Variants in SRD5A3 observed in about 807,000 individuals in gnomAD.
SRD5A3 encodes steroid 5 alpha-reductase 3.
In SRD5A3, 24 loss-of-function variants were observed where a neutral mutation model predicts 34.3. The observed-to-expected ratio is 0.70, with a 90% CI of 0.51 to 0.99. SRD5A3 has a LOEUF of 0.99. Ranked by LOEUF, SRD5A3 falls within the 50% of genes least tolerant of loss-of-function variation. The probability of loss-of-function intolerance (pLI) is 0.00; values close to 1 mark genes in which losing one functional copy is unlikely to be tolerated. For synonymous variants in SRD5A3, 161 were observed against 167.3 expected (o/e 0.96, Z 0.29); for missense variants, 350 against 388.2 (o/e 0.90, Z 0.83).
At chr4:55,354,550 T>A (rs1719357029) in intron 1 of SRD5A3, among the ~76,000 whole-genome samples, 1 of 152,186 alleles carries the variant, frequency 6.6e-6, no homozygotes, top group Non-Finnish European at 1.5e-5. Context: ...CTATTCCAGG[T>A]TTGAGGGCCT....
chr4:55,360,056 CA>C (rs1196217500), intron 2 of SRD5A3, among the ~76,000 whole-genome samples: 1 of 151,092 alleles, frequency 6.6e-6, no homozygotes, highest in Non-Finnish European at 1.5e-5. Flanking sequence ...ACTAAAAATA[CA>C]AAAAAAAGTT....
chr4:55,354,995 T>C (rs999115504), intron 1 of SRD5A3, among the ~76,000 whole-genome samples: 1 of 152,176 alleles, frequency 6.6e-6, no homozygotes, highest in Admixed American at 6.5e-5. Context: ...AGGATCACCT[T>C]ACCCCTGCTT....
chr4:55,358,509 C>T (rs1038772563), intron 1 of SRD5A3, among the ~76,000 whole-genome samples: 41 of 131,964 alleles, frequency 3.1e-4, no homozygotes, highest in African/African-American at 1.1e-3. Context: ...GCACTCCAGC[C>T]TGGACAACAC....
chr4:55,368,701 C>G (rs145191911), intron 4 of SRD5A3, among the ~76,000 whole-genome samples: 7 of 151,668 alleles, frequency 4.6e-5, no homozygotes, highest in Admixed American at 2.0e-4. Context: ...GCTGGGATTA[C>G]AGGCGTGCAC....
At position 55,346,287 on chromosome 4, in the gene SRD5A3, G is replaced by C; in HGVS notation, c.-50G>C. The C allele has an allele frequency of 1.5e-6, 2 of 1,354,722 alleles. No individual in the cohort carries two copies. Among genetic ancestry groups the C allele is most frequent in the Non-Finnish European group, 1.9e-6 (2 of 1,057,008 alleles). 83.9% of individuals were successfully genotyped at this position (1,354,722 alleles called of 1,614,324 possible). A position where few individuals can be genotyped will look rare whatever the true frequency, so the allele number is the denominator to read the frequency against. On this transcript the variant is annotated 5_prime_UTR_variant, in exon 1 of 5. Transcript: ENST00000264228. ...CGCGCTAGTGGCCGCTCTTCCGCGGGCTAGCGGGCGGTGGGGGCGCCAGCA... is the reference window on the plus strand; with the variant it reads ...CGCGCTAGTGGCCGCTCTTCCGCGGCCTAGCGGGCGGTGGGGGCGCCAGCA...
At chr4:55,361,356 C>G (rs1205956543) in intron 2 of SRD5A3, among the ~76,000 whole-genome samples, 1 of 151,628 alleles carries the variant, frequency 6.6e-6, no homozygotes, top group Non-Finnish European at 1.5e-5. Context: ...CTGGCACATG[C>G]CTGTAACCCC....
chr4:55,372,181 G>A lies in SRD5A3; in HGVS notation c.*2090G>A, dbSNP rs547199503. 3.3e-5 allele frequency: 5 copies of A among 152,302 alleles called. No homozygotes were observed. The highest frequency in any genetic ancestry group is 3.4e-3 in the Middle Eastern group (1 of 294). 9.4% of individuals were successfully genotyped at this position (152,302 alleles called of 1,614,324 possible). On this transcript the variant is annotated 3_prime_UTR_variant, in exon 5 of 5. Coordinates refer to ENST00000264228, the MANE Select transcript of SRD5A3 (RefSeq NM_024592.5). ...CTTAATTTCCACATGAATATCAAGTGTAATTTTTAATAAATTATTTGGAGA... is the reference window on the plus strand; with the variant it reads ...CTTAATTTCCACATGAATATCAAGTATAATTTTTAATAAATTATTTGGAGA...
intron 1 of SRD5A3, among the ~76,000 whole-genome samples, chr4:55,354,383 C>G (rs1304971344): frequency 1.3e-5 from 2 of 152,158 alleles, no homozygotes; most frequent in Admixed American, 6.5e-5. Flanking sequence ...GCCTGACGCA[C>G]CGCGCTCGGC....
chr4:55,360,007 T>G (rs1310865218), intron 2 of SRD5A3, among the ~76,000 whole-genome samples: 1 of 147,690 alleles, frequency 6.8e-6, no homozygotes, highest in Non-Finnish European at 1.5e-5. Context: ...GGTCAGGAGA[T>G]CGAGACCATC....
Position 55,354,815 on chromosome 4 carries a change from TGTGCGCGCGTGC to T in SRD5A3, c.222-4520_222-4509del, listed in dbSNP as rs772265208. Reference sequence around the variant, plus strand: ...CATGCTATAAAATTTACTGTGTGTGTGTGCGCGCGTGCGTGCGCGCGTACGCATGTGTAAGCT... The same window carrying T: ...CATGCTATAAAATTTACTGTGTGTGTGTGCGCGCGTACGCATGTGTAAGCT... On this transcript the variant is annotated intron_variant, in intron 1 of 4. Transcript: ENST00000264228. Among the ~76,000 whole-genome samples, 461 of 152,332 alleles carry T rather than the reference TGTGCGCGCGTGC, an allele frequency of 3.0e-3. 7 individuals carry two copies. Among genetic ancestry groups the T allele is most frequent in the Admixed American group, 0.02 (306 of 15,288 alleles).
At chr4:55,354,140 A>C (rs983614492) in intron 1 of SRD5A3, among the ~76,000 whole-genome samples, 2 of 152,178 alleles carry the variant, frequency 1.3e-5, no homozygotes, top group African/African-American at 4.8e-5. Flanking sequence ...TCTGTTGCCC[A>C]GGCTGGAGTG....
At chr4:55,350,783 G>A (rs1183097868) in intron 1 of SRD5A3, among the ~76,000 whole-genome samples, 4 of 67,010 alleles carry the variant, frequency 6.0e-5, no homozygotes, top group Non-Finnish European at 1.2e-4. Context: ...TTTTTTTTTT[G>A]AGACAGTCTT....
intron 3 of SRD5A3, chr4:55,367,113 T>C: frequency 4.8e-6 from 1 of 208,366 alleles, no homozygotes; most frequent in Non-Finnish European, 9.8e-6. Context: ...AGGCTCTCCC[T>C]AGCAGGATGG....
intron 1 of SRD5A3, among the ~76,000 whole-genome samples, chr4:55,353,617 T>C (rs549475600): frequency 1.0e-3 from 155 of 152,330 alleles, no homozygotes; most frequent in African/African-American, 3.7e-3. Flanking sequence ...GGGTCTGCAC[T>C]ACCTTTATGA....
chr4:55,364,413 C>A (rs1484849529), intron 3 of SRD5A3, 142 bp downstream of exon 3: 1 of 1,008,124 alleles, frequency 9.9e-7, no homozygotes, highest in African/African-American at 1.6e-5. Context: ...AGATGAGACT[C>A]AAGTCGATTT....
At chr4:55,353,401 A>G (rs1399927040) in intron 1 of SRD5A3, among the ~76,000 whole-genome samples, 1 of 152,178 alleles carries the variant, frequency 6.6e-6, no homozygotes, top group Non-Finnish European at 1.5e-5. Flanking sequence ...AGCACTTGGT[A>G]AAAACGGACC....
At chr4:55,352,098 C>A in intron 1 of SRD5A3, 1 of 781,012 alleles carries the variant, frequency 1.3e-6, no homozygotes, top group South Asian at 1.3e-5. Context: ...ATTACACAAT[C>A]AGTTATACAA....
At chr4:55,358,579 C>A (rs1719562414) in intron 1 of SRD5A3, among the ~76,000 whole-genome samples, 1 of 150,394 alleles carries the variant, frequency 6.6e-6, no homozygotes, top group African/African-American at 2.4e-5. Flanking sequence ...ACCTGCTAGG[C>A]CCTAGGCCCT....
intron 1 of SRD5A3, among the ~76,000 whole-genome samples, chr4:55,355,857 G>A (rs1719434762): frequency 6.6e-6 from 1 of 152,010 alleles, no homozygotes; most frequent in African/African-American, 2.4e-5. Flanking sequence ...TTATGAAGAT[G>A]AACTAAATAA....
Sources: gnomAD v4.1 joint callset for allele counts (sites outside exome capture counted in the v4.1 genomes callset) on GRCh38, gnomAD v4.1.1 for gene constraint, MANE v1.5 for transcripts, NCBI Gene and HGNC (gene_info 2026-07-23, HGNC 2026-07-21) for gene names.